Variants in ADGRG7 observed in about 807,000 individuals in gnomAD.
ADGRG7 encodes G-protein coupled receptor 128.
A neutral mutation model predicts 88.6 loss-of-function variants in ADGRG7; 82 were observed. The ratio of observed to expected loss-of-function variants is 0.93; its 90% CI spans 0.77 to 1.11. ADGRG7 has a LOEUF of 1.11. Among genes scored for constraint, ADGRG7 ranks in the 50% most tolerant of loss-of-function variants. The probability of loss-of-function intolerance (pLI) is 0.00; values close to 1 mark genes in which losing one functional copy is unlikely to be tolerated. For missense variants in ADGRG7, 945 were observed against 953.4 expected (o/e 0.99, Z 0.12); for synonymous variants, 381 against 345.2 (o/e 1.10, Z -1.15).
At chr3:100,680,271 A>G (rs2094971272) in intron 15 of ADGRG7, among the ~76,000 whole-genome samples, 2 of 152,198 alleles carry the variant, frequency 1.3e-5, no homozygotes. Context: ...AGTCTACTTT[A>G]TCTGATATCC....
intron 15 of ADGRG7, 58 bp downstream of exon 15, chr3:100,669,163 G>A: frequency 1.5e-6 from 2 of 1,330,340 alleles, no homozygotes; most frequent in Non-Finnish European, 2.0e-6. Flanking sequence ...ATATCATCTT[G>A]ATATCTTAGT....
At position 100,682,336 on chromosome 3, in the gene ADGRG7, G is replaced by A. The variant is rs192849861; in HGVS notation, c.2137-12408G>A. 3.4e-3 allele frequency among the ~76,000 whole-genome samples: 522 copies of A among 152,294 alleles called. 10 individuals carry two copies. Among genetic ancestry groups the A allele is most frequent in the Non-Finnish European group, 5.7e-4 (39 of 68,012 alleles). On this transcript the variant is annotated intron_variant, in intron 15 of 15. Coordinates refer to ENST00000273352, the MANE Select transcript of ADGRG7 (RefSeq NM_032787.3). ...CACATGGAACGTGGGAGCCAGGCCC[G>A]AGATGTAGAGCTGGGGTCACGCTTC...
At chr3:100,692,371 C>T (rs1205805805) in intron 15 of ADGRG7, among the ~76,000 whole-genome samples, 1 of 152,116 alleles carries the variant, frequency 6.6e-6, no homozygotes, top group East Asian at 1.9e-4. Context: ...TAGGGTAAGC[C>T]TCATCTGACA....
intron 14 of ADGRG7, among the ~76,000 whole-genome samples, chr3:100,667,510 CCT>C (rs1357272926): frequency 6.6e-6 from 1 of 152,170 alleles, no homozygotes; most frequent in Admixed American, 6.5e-5. Flanking sequence ...ATGAACTTAT[CCT>C]TTTTTATGGC....
chr3:100,677,889 T>C (rs1159999081), intron 15 of ADGRG7, among the ~76,000 whole-genome samples: 4 of 152,228 alleles, frequency 2.6e-5, no homozygotes, highest in Non-Finnish European at 5.9e-5. Flanking sequence ...TATTATTATA[T>C]CTTGAAGTTG....
At chr3:100,635,862 T>C (rs1393443473) in intron 5 of ADGRG7, 36 bp downstream of exon 5, 1 of 1,527,638 alleles carries the variant, frequency 6.5e-7, no homozygotes, top group African/African-American at 1.4e-5. Context: ...AATTTTTTTT[T>C]TATTTTTAGA....
intron 6 of ADGRG7, among the ~76,000 whole-genome samples, chr3:100,640,932 A>T (rs1055843290): frequency 3.3e-5 from 5 of 152,172 alleles, no homozygotes; most frequent in Non-Finnish European, 7.4e-5. Flanking sequence ...GGAATGCAAA[A>T]TGCCTCCCTA....
At chr3:100,647,272 G>C (rs1471033749) in intron 10 of ADGRG7, among the ~76,000 whole-genome samples, 2 of 152,190 alleles carry the variant, frequency 1.3e-5, no homozygotes, top group Admixed American at 6.5e-5. Context: ...TTGATCATGG[G>C]AAGGGAGTCC....
intron 1 of ADGRG7, among the ~76,000 whole-genome samples, chr3:100,624,132 T>G (rs1008856541): frequency 4.6e-5 from 7 of 152,184 alleles, no homozygotes; most frequent in African/African-American, 1.7e-4. Flanking sequence ...CCAGAATGGT[T>G]GAACTAATTT....
intron 15 of ADGRG7, among the ~76,000 whole-genome samples, chr3:100,689,888 G>A (rs906092241): frequency 3.9e-5 from 6 of 152,178 alleles, no homozygotes; most frequent in Admixed American, 6.5e-5. Flanking sequence ...TCTTTGTGGC[G>A]TTCTCTGTAT....
chr3:100,627,416 T>C (rs1462182729), intron 1 of ADGRG7, among the ~76,000 whole-genome samples: 1 of 152,226 alleles, frequency 6.6e-6, no homozygotes. Flanking sequence ...TAAATCTCAC[T>C]TGGTCATGAT....
At chr3:100,628,437 C>A (rs57010274) in intron 1 of ADGRG7, among the ~76,000 whole-genome samples, 2,218 of 151,830 alleles carry the variant, frequency 0.015, 45 homozygotes, top group African/African-American at 0.05. Flanking sequence ...CAACTCACTG[C>A]AACCTCCGCC....
At chr3:100,629,279 A>G (rs1707422914) in intron 1 of ADGRG7, among the ~76,000 whole-genome samples, 1 of 150,590 alleles carries the variant, frequency 6.6e-6, no homozygotes, top group Middle Eastern at 3.4e-3. Flanking sequence ...CTATCTATCT[A>G]TCTATCTATC....
At chr3:100,683,230 G>C (rs561457773) in intron 15 of ADGRG7, among the ~76,000 whole-genome samples, 2 of 152,264 alleles carry the variant, frequency 1.3e-5, no homozygotes, top group South Asian at 4.2e-4. Context: ...AGAACGGCGG[G>C]GCTAAAAGAG....
At chr3:100,611,079 A>G (rs894529972) in intron 1 of ADGRG7, among the ~76,000 whole-genome samples, 6 of 152,262 alleles carry the variant, frequency 3.9e-5, no homozygotes, top group African/African-American at 1.4e-4. Flanking sequence ...GAACAAAAAT[A>G]GTAAAATTTA....
intron 15 of ADGRG7, among the ~76,000 whole-genome samples, chr3:100,684,116 T>A (rs2094978188): frequency 2.6e-5 from 4 of 152,264 alleles, no homozygotes; most frequent in African/African-American, 9.6e-5. Flanking sequence ...TAGTTTGTTT[T>A]TATTTGATTT....
At chr3:100,687,151 G>A (rs896319760) in intron 15 of ADGRG7, among the ~76,000 whole-genome samples, 1 of 152,172 alleles carries the variant, frequency 6.6e-6, no homozygotes, top group Non-Finnish European at 1.5e-5. Flanking sequence ...AATTGTGAAT[G>A]GGAGTTCACT....
At chr3:100,687,349 C>T (rs570544803) in intron 15 of ADGRG7, among the ~76,000 whole-genome samples, 17 of 152,204 alleles carry the variant, frequency 1.1e-4, no homozygotes, top group African/African-American at 3.4e-4. Context: ...TCCTCTTTTC[C>T]TAATTGAATA....
intron 3 of ADGRG7, 56 bp downstream of exon 3, chr3:100,630,865 A>G: frequency 1.1e-6 from 1 of 882,642 alleles, no homozygotes; most frequent in Non-Finnish European, 1.7e-6. Context: ...GCTGAGTCAT[A>G]CCTCTCATAC....
Sources: gnomAD v4.1 joint callset for allele counts (sites outside exome capture counted in the v4.1 genomes callset) on GRCh38, gnomAD v4.1.1 for gene constraint, MANE v1.5 for transcripts, NCBI Gene and HGNC (gene_info 2026-07-23, HGNC 2026-07-21) for gene names.